The following BMPR1B variants were observed in gnomAD, a reference collection of about 807,000 sequenced individuals.
The protein encoded by BMPR1B is bone morphogenetic protein receptor type-1B.
In BMPR1B, 12 loss-of-function variants were observed where a neutral mutation model predicts 59.1. The ratio of observed to expected loss-of-function variants is 0.20; its 90% confidence interval spans 0.13 to 0.33. The LOEUF is 0.33. Among genes scored for constraint, BMPR1B ranks in the 10% least tolerant of loss-of-function variants. The pLI, the probability that BMPR1B is intolerant of heterozygous loss-of-function variation, is 1.00. For synonymous variants in BMPR1B, 237 were observed against 207.3 expected (o/e 1.14, Z -1.23); for missense variants, 550 against 610.9 (o/e 0.90, Z 1.05).
chr4:94,862,727 T>C lies in BMPR1B; in HGVS notation c.-182-13104T>C, dbSNP rs1387042513. ...TTGGCAGGCCGAGACGGGTGGATCA[T>C]GAGGTCAGGAGATCGAGACCATCCT... On this transcript the variant is annotated intron_variant, in intron 1 of 12. Coordinates refer to ENST00000515059, the MANE Select transcript of BMPR1B (RefSeq NM_001203.3). 3.3e-5 allele frequency among the ~76,000 whole-genome samples: 5 copies of C among 150,946 alleles called. No individual in the cohort carries two copies. In the East Asian group the frequency reaches 8.0e-4, roughly 24 times the overall value.
intron 2 of BMPR1B, among the ~76,000 whole-genome samples, chr4:94,991,720 G>A (rs970300224): frequency 1.3e-5 from 2 of 152,126 alleles, no homozygotes; most frequent in Admixed American, 1.3e-4. Flanking sequence ...ATAAAGTGGG[G>A]CTAGGCTATA....
intron 1 of BMPR1B, among the ~76,000 whole-genome samples, chr4:94,802,828 C>G (rs1195052579): frequency 4.4e-5 from 5 of 114,510 alleles, no homozygotes; most frequent in Non-Finnish European, 5.7e-5. Context: ...TTTACATAAT[C>G]TCTTCAGGTA....
At chr4:95,122,617 A>T (rs1302208486) in intron 6 of BMPR1B, among the ~76,000 whole-genome samples, 2 of 152,176 alleles carry the variant, frequency 1.3e-5, no homozygotes, top group Non-Finnish European at 2.9e-5. Context: ...GAACATTTTT[A>T]TTGAAATGAT....
chr4:94,846,342 G>A (rs1035235467), intron 1 of BMPR1B, among the ~76,000 whole-genome samples: 2 of 152,156 alleles, frequency 1.3e-5, no homozygotes, highest in Non-Finnish European at 2.9e-5. Flanking sequence ...TGATTGGATT[G>A]AAGGATACAA....
At chr4:94,758,763 C>G (rs566548266) in intron 1 of BMPR1B, among the ~76,000 whole-genome samples, 1 of 152,004 alleles carries the variant, frequency 6.6e-6, no homozygotes, top group South Asian at 2.1e-4. Flanking sequence ...TTCTTCCTTT[C>G]TCCCTTCCTC....
intron 1 of BMPR1B, among the ~76,000 whole-genome samples, chr4:94,811,423 G>A (rs1450395521): frequency 1.3e-5 from 2 of 152,158 alleles, no homozygotes; most frequent in Non-Finnish European, 2.9e-5. Context: ...GTAGAGCTGA[G>A]GCATAGGTCA....
chr4:95,032,739 G>T (rs182513803), intron 3 of BMPR1B, among the ~76,000 whole-genome samples: 1 of 152,124 alleles, frequency 6.6e-6, no homozygotes, highest in African/African-American at 2.4e-5. Context: ...CTGTTGTAGT[G>T]TAGACCACAT....
chr4:94,863,592 T>C (rs1250702119), intron 1 of BMPR1B, among the ~76,000 whole-genome samples: 1 of 152,232 alleles, frequency 6.6e-6, no homozygotes, highest in African/African-American at 2.4e-5. Context: ...TTAGGTTGTG[T>C]ATTTTCCTCT....
chr4:94,794,503 C>A (rs1392610683), intron 1 of BMPR1B, among the ~76,000 whole-genome samples: 1 of 137,476 alleles, frequency 7.3e-6, no homozygotes, highest in African/African-American at 2.9e-5. Flanking sequence ...GCGATGCGGG[C>A]TCTTTTTTGG....
At chr4:94,906,651 T>TATA (rs1474532596) in intron 2 of BMPR1B, among the ~76,000 whole-genome samples, 1 of 151,978 alleles carries the variant, frequency 6.6e-6, no homozygotes, top group Non-Finnish European at 1.5e-5. Flanking sequence ...GACCTTAAAG[T>TATA]ATAATAATAA....
At chr4:94,874,180 AT>A in intron 1 of BMPR1B, among the ~76,000 whole-genome samples, 1 of 152,200 alleles carries the variant, frequency 6.6e-6, no homozygotes, top group African/African-American at 2.4e-5. Flanking sequence ...TACATACCAC[AT>A]TTTGTTTTAT....
intron 6 of BMPR1B, among the ~76,000 whole-genome samples, chr4:95,123,490 C>A (rs775192608): frequency 6.6e-5 from 10 of 152,012 alleles, no homozygotes. Context: ...AGATGAACTA[C>A]CTGTTTCTAT....
At chr4:94,759,582 G>A (rs1721677036) in intron 1 of BMPR1B, among the ~76,000 whole-genome samples, 1 of 152,182 alleles carries the variant, frequency 6.6e-6, no homozygotes, top group South Asian at 2.1e-4. Context: ...TGTCAACTGG[G>A]ATGTTAGTAT....
intron 10 of BMPR1B, among the ~76,000 whole-genome samples, chr4:95,142,813 C>CTTT (rs11385949): frequency 2.8e-5 from 4 of 140,708 alleles, no homozygotes; most frequent in South Asian, 2.3e-4. Context: ...AGTTGGGGCT[C>CTTT]TTTTTTTTTT....
At chr4:95,074,674 C>G (rs564669420) in intron 3 of BMPR1B, among the ~76,000 whole-genome samples, 1 of 152,072 alleles carries the variant, frequency 6.6e-6, no homozygotes, top group East Asian at 1.9e-4. Context: ...CTTTCAAAAG[C>G]ACAGTCTTTT....
At chr4:95,087,402 G>A (rs913723017) in intron 3 of BMPR1B, among the ~76,000 whole-genome samples, 2 of 152,152 alleles carry the variant, frequency 1.3e-5, no homozygotes, top group South Asian at 2.1e-4. Flanking sequence ...ATGTAAAATA[G>A]CACTCGTGTT....
At chr4:94,908,544 A>G (rs1049141273) in intron 2 of BMPR1B, among the ~76,000 whole-genome samples, 4 of 151,754 alleles carry the variant, frequency 2.6e-5, no homozygotes, top group Non-Finnish European at 5.9e-5. Flanking sequence ...CTTTTTCTAC[A>G]TCAATGATCT....
intron 2 of BMPR1B, among the ~76,000 whole-genome samples, chr4:94,925,741 G>T (rs3775022): frequency 0.35 from 53,617 of 151,962 alleles, 9,725 homozygotes; most frequent in South Asian, 0.47. Context: ...GTAAGGACTT[G>T]AACCAACTAT....
At chr4:94,861,901 T>A (rs1419418225) in intron 1 of BMPR1B, among the ~76,000 whole-genome samples, 2 of 152,190 alleles carry the variant, frequency 1.3e-5, no homozygotes, top group Admixed American at 6.5e-5. Flanking sequence ...GAACTTTGTT[T>A]GAATGAAATA....
Sources: allele counts gnomAD v4.1 joint callset (sites outside exome capture counted in the v4.1 genomes callset), GRCh38; gene constraint gnomAD v4.1.1; transcripts MANE v1.5; gene names NCBI Gene and HGNC (gene_info 2026-07-23, HGNC 2026-07-21).